CLDN10: variants seen among roughly 807,000 people sequenced by gnomAD.
The protein encoded by CLDN10 is claudin-10.
A neutral mutation model predicts 22.9 loss-of-function variants in CLDN10; 15 were observed. That is an observed-to-expected ratio of 0.65 (90% CI 0.44 to 1.01). CLDN10 has a LOEUF of 1.01. Among genes scored for constraint, CLDN10 ranks in the 50% least tolerant of loss-of-function variants. The pLI is 0.00. For synonymous variants in CLDN10, 114 were observed against 111.4 expected, an observed-to-expected ratio of 1.02 and a Z score of -0.15; for missense variants, 247 against 287.8, an observed-to-expected ratio of 0.86 and a Z score of 1.03.
At chr13:95,520,344 C>A (rs2138583127) in intron 1 of CLDN10, among the ~76,000 whole-genome samples, 1 of 152,192 alleles carries the variant, frequency 6.6e-6, no homozygotes, top group Non-Finnish European at 1.5e-5. Flanking sequence ...TAGTTATTCA[C>A]TATTTTTAGA....
intron 1 of CLDN10, 75 bp downstream of exon 1, chr13:95,553,048 A>G (rs1315913669): frequency 1.9e-6 from 3 of 1,560,046 alleles, no homozygotes; most frequent in African/African-American, 1.4e-5. Context: ...TCTCGCCCCC[A>G]ATACCCCCAG....
intron 1 of CLDN10, among the ~76,000 whole-genome samples, chr13:95,531,460 T>C (rs910622737): frequency 6.6e-6 from 1 of 152,176 alleles, no homozygotes; most frequent in African/African-American, 2.4e-5. Flanking sequence ...TCCTCATTAT[T>C]AAACTCTTAT....
chr13:95,470,166 G>C (rs564542462), intron 1 of CLDN10, among the ~76,000 whole-genome samples: 2 of 152,356 alleles, frequency 1.3e-5, no homozygotes, highest in African/African-American at 2.4e-5. Context: ...TAGTGGATTA[G>C]TGAATTCTTA....
In CLDN10 at chr13:95,538,152, TC is replaced by T. The variant is rs1469076142; in HGVS notation, c.215-21979del. On this transcript the variant is annotated intron_variant, in intron 1 of 4. Coordinates refer to the CLDN10 transcript ENST00000376873. ...GTGACCCATTGACAAACTGTTTATTTCTTTTTTTTTTTTTTTTTTTTTTTTT... is the reference window on the plus strand; with the variant it reads ...GTGACCCATTGACAAACTGTTTATTTTTTTTTTTTTTTTTTTTTTTTTTTT... Among the ~76,000 whole-genome samples, 291 of 126,656 alleles carry T rather than the reference TC, an allele frequency of 2.3e-3. 4 individuals carry two copies. The highest frequency in any genetic ancestry group is 8.4e-3 in the African/African-American group (279 of 33,208). 83.1% of individuals were successfully genotyped at this position (126,656 alleles called of 152,430 possible). A position where few individuals can be genotyped will look rare whatever the true frequency, so the allele number is the denominator to read the frequency against.
intron 1 of CLDN10, among the ~76,000 whole-genome samples, chr13:95,459,843 A>C (rs1327500723): frequency 1.3e-5 from 2 of 152,196 alleles, no homozygotes; most frequent in Non-Finnish European, 2.9e-5. Context: ...GTCAGGCTGC[A>C]AATTTTCTAA....
intron 1 of CLDN10, among the ~76,000 whole-genome samples, chr13:95,455,253 C>T (rs1036455621): frequency 3.4e-4 from 51 of 151,932 alleles, no homozygotes; most frequent in African/African-American, 1.1e-3. Flanking sequence ...TGGCCAGTGG[C>T]CACAGGATTC....
chr13:95,496,731 T>A (rs2042933804), intron 1 of CLDN10, among the ~76,000 whole-genome samples: 2 of 152,186 alleles, frequency 1.3e-5, no homozygotes, highest in Admixed American at 1.3e-4. Flanking sequence ...GGCCCCACCC[T>A]CATGACCTCA....
intron 1 of CLDN10, among the ~76,000 whole-genome samples, chr13:95,542,576 G>C (rs2043469934): frequency 1.3e-5 from 2 of 152,180 alleles, no homozygotes; most frequent in Admixed American, 1.3e-4. Context: ...AGATGCCAAA[G>C]CGGGTGAATC....
intron 1 of CLDN10, among the ~76,000 whole-genome samples, chr13:95,496,566 G>A (rs756514704): frequency 6.6e-6 from 1 of 152,222 alleles, no homozygotes; most frequent in Non-Finnish European, 1.5e-5. Flanking sequence ...TGGAGGCTGG[G>A]AAGTTCACGG....
rs1327817074 is a variant in CLDN10, at chr13:95,579,286, G to T, written c.*1272G>T. On this transcript the variant is annotated 3_prime_UTR_variant, in exon 5 of 5. Transcript: ENST00000299339. ...ACTTGTCATTTCTAAAGACATTTAA[G>T]TTGCTCCAGGGATTTCTGAAAAAAG... 6.6e-6 allele frequency: 1 copy of T among 152,150 alleles called. No individual in the cohort carries two copies. Among genetic ancestry groups the T allele is most frequent in the East Asian group, 1.9e-4 (1 of 5,200 alleles). The allele number at this position is 152,150 out of a possible 1,614,324, so 9.4% of individuals were successfully genotyped here.
chr13:95,552,575 G>A, upstream of CLDN10: 3 of 680,454 alleles, frequency 4.4e-6, no homozygotes, highest in Non-Finnish European at 4.3e-6. Context: ...GGCCCCTCAA[G>A]GGACAGGGCA....
upstream of CLDN10, among the ~76,000 whole-genome samples, chr13:95,550,623 C>T (rs1172641153): frequency 6.6e-6 from 1 of 151,908 alleles, no homozygotes; most frequent in African/African-American, 2.4e-5. Flanking sequence ...GTAATTGGAT[C>T]AGAAATAGGC....
intron 1 of CLDN10, among the ~76,000 whole-genome samples, chr13:95,495,329 GC>G (rs2042917420): frequency 6.6e-6 from 1 of 151,984 alleles, no homozygotes; most frequent in African/African-American, 2.4e-5. Flanking sequence ...GAGCCACCGT[GC>G]CCTGCCCCTT....
At chr13:95,488,850 G>C (rs2042835696) in intron 1 of CLDN10, among the ~76,000 whole-genome samples, 1 of 152,044 alleles carries the variant, frequency 6.6e-6, no homozygotes, top group Non-Finnish European at 1.5e-5. Flanking sequence ...ACATGCATAT[G>C]CAAGTATCTT....
chr13:95,499,782 C>T (rs1290664033), intron 1 of CLDN10, among the ~76,000 whole-genome samples: 8 of 152,122 alleles, frequency 5.3e-5, no homozygotes, highest in African/African-American at 7.2e-5. Context: ...AAGCCTGACA[C>T]GTTGGGAAGG....
intron 1 of CLDN10, among the ~76,000 whole-genome samples, chr13:95,516,980 TTC>T (rs1566312284): frequency 2.9e-4 from 3 of 10,298 alleles, no homozygotes; most frequent in African/African-American, 4.9e-4. Flanking sequence ...CCTTCCTTCC[TTC>T]CTTCCTTCCT....
intron 1 of CLDN10, among the ~76,000 whole-genome samples, chr13:95,508,037 A>T (rs1425178995): frequency 6.6e-6 from 1 of 152,128 alleles, no homozygotes; most frequent in African/African-American, 2.4e-5. Flanking sequence ...GCAGTGAGCC[A>T]TGATTGTACC....
intron 1 of CLDN10, among the ~76,000 whole-genome samples, chr13:95,499,935 AC>A (rs1404017140): frequency 6.6e-6 from 1 of 152,234 alleles, no homozygotes; most frequent in African/African-American, 2.4e-5. Context: ...GAAAAAAAAT[AC>A]CACAAGAAAA....
At chr13:95,516,540 G>GATA (rs5805938) in intron 1 of CLDN10, among the ~76,000 whole-genome samples, 131,176 of 152,004 alleles carry the variant, frequency 0.86, 56,798 homozygotes, top group East Asian at 0.96. Context: ...AATCCAAGAG[G>GATA]ATGTTTTTAC....
Sources: allele counts gnomAD v4.1 joint callset (sites outside exome capture counted in the v4.1 genomes callset), GRCh38; gene constraint gnomAD v4.1.1; transcripts MANE v1.5; gene names NCBI Gene and HGNC (gene_info 2026-07-23, HGNC 2026-07-21).